ZMYM4: variants seen among roughly 807,000 people sequenced by gnomAD.
ZMYM4 encodes zinc finger MYM-type protein 4.
In ZMYM4, 31 loss-of-function variants were observed where a neutral mutation model predicts 183.2. That is an observed-to-expected ratio of 0.17 (90% confidence interval 0.13 to 0.23). The LOEUF is 0.23. ZMYM4 is among the 10% of genes least tolerant of loss of function. The pLI, the probability that ZMYM4 is intolerant of heterozygous loss-of-function variation, is 1.00. For missense variants in ZMYM4, 1,273 were observed against 1,840.3 expected, an observed-to-expected ratio of 0.69 and a Z score of 5.64; for synonymous variants, 592 against 631.2, an observed-to-expected ratio of 0.94 and a Z score of 0.93.
chr1:35,297,092 C>T (rs1641055095), intron 1 of ZMYM4, among the ~76,000 whole-genome samples: 3 of 151,962 alleles, frequency 2.0e-5, no homozygotes, highest in Non-Finnish European at 4.4e-5. Flanking sequence ...TCAGGTGATC[C>T]ACCTGCCCTG....
chr1:35,397,656 G>C, intron 20 of ZMYM4, 111 bp downstream of exon 20: 1 of 900,638 alleles, frequency 1.1e-6, no homozygotes, highest in Non-Finnish European at 1.5e-6. Context: ...TTTATTGTCT[G>C]TGAATACCAA....
intron 25 of ZMYM4, among the ~76,000 whole-genome samples, chr1:35,406,953 A>T (rs1350034056): frequency 1.3e-5 from 2 of 152,178 alleles, no homozygotes; most frequent in Admixed American, 1.3e-4. Flanking sequence ...TCTTAATATG[A>T]GAAATGAGGC....
At chr1:35,387,986 A>G (rs1255809105) in intron 13 of ZMYM4, among the ~76,000 whole-genome samples, 1 of 152,176 alleles carries the variant, frequency 6.6e-6, no homozygotes, top group Non-Finnish European at 1.5e-5. Flanking sequence ...AACAGCCATT[A>G]TATTTCTGAA....
chr1:35,412,112 C>T (rs1332104415), intron 26 of ZMYM4, among the ~76,000 whole-genome samples: 1 of 151,974 alleles, frequency 6.6e-6, no homozygotes, highest in Non-Finnish European at 1.5e-5. Context: ...ATCTCCTGAC[C>T]TTGTGATCCG....
intron 1 of ZMYM4, among the ~76,000 whole-genome samples, chr1:35,321,009 C>G (rs2148811110): frequency 6.6e-6 from 1 of 152,104 alleles, no homozygotes; most frequent in African/African-American, 2.4e-5. Context: ...ATAAAGCGCT[C>G]CTTTTTATTG....
intron 1 of ZMYM4, among the ~76,000 whole-genome samples, chr1:35,281,865 AT>A (rs1428681474): frequency 6.6e-6 from 1 of 152,152 alleles, no homozygotes; most frequent in Non-Finnish European, 1.5e-5. Context: ...TTCTGTGTCT[AT>A]GAAGTTGCCT....
chr1:35,280,169 TCCCTTCCC>T (rs1283543459), intron 1 of ZMYM4, among the ~76,000 whole-genome samples: 3 of 149,448 alleles, frequency 2.0e-5, no homozygotes, highest in South Asian at 2.2e-4. Flanking sequence ...CCTCCCTTCC[TCCCTTCCC>T]CCCTTCCCTT....
At chr1:35,282,134 C>T (rs1275451011) in intron 1 of ZMYM4, among the ~76,000 whole-genome samples, 2 of 152,154 alleles carry the variant, frequency 1.3e-5, no homozygotes, top group African/African-American at 4.8e-5. Flanking sequence ...TCCTTGCTTT[C>T]ACTTCCTTCT....
At chr1:35,317,249 A>G (rs1339963241) in intron 1 of ZMYM4, among the ~76,000 whole-genome samples, 5 of 152,158 alleles carry the variant, frequency 3.3e-5, no homozygotes, top group Non-Finnish European at 7.3e-5. Flanking sequence ...CTTGGCCAAC[A>G]TGGTGAAACC....
chr1:35,363,924 C>A (rs1644006183), intron 5 of ZMYM4, among the ~76,000 whole-genome samples: 1 of 152,276 alleles, frequency 6.6e-6, no homozygotes, highest in Non-Finnish European at 1.5e-5. Flanking sequence ...TCATCTCTTT[C>A]TTTTGTACTT....
Position 35,394,862 on chromosome 1 carries a change from C to T in ZMYM4, c.2911+1123C>T, listed in dbSNP as rs141083202. On this transcript the variant is annotated intron_variant, in intron 18 of 29. Transcript: ENST00000314607. ...ATTGCAGTGGCTCACACCTGTAATC[C>T]CAGCAGTTTGGGAGGCTGAGGCAGG... Among the ~76,000 whole-genome samples, 595 of 151,074 alleles carry T rather than the reference C, an allele frequency of 3.9e-3. 4 individuals are homozygous for T. Among genetic ancestry groups the T allele is most frequent in the African/African-American group, 0.014 (569 of 40,562 alleles).
chr1:35,408,196 A>T, intron 26 of ZMYM4, 37 bp downstream of exon 26: 1 of 1,611,582 alleles, frequency 6.2e-7, no homozygotes, highest in Non-Finnish European at 8.5e-7. Flanking sequence ...CAACCTAGCA[A>T]ATCCATTGAC....
chr1:35,307,403 C>T (rs1171021706), intron 1 of ZMYM4, among the ~76,000 whole-genome samples: 3 of 151,694 alleles, frequency 2.0e-5, no homozygotes, highest in Non-Finnish European at 4.4e-5. Flanking sequence ...CACATGGGTA[C>T]CCTTGGACAA....
intron 2 of ZMYM4, among the ~76,000 whole-genome samples, chr1:35,336,882 C>T (rs1026051096): frequency 2.2e-4 from 33 of 152,128 alleles, no homozygotes; most frequent in African/African-American, 7.2e-4. Context: ...GGGGCAGTTC[C>T]CCCCATGTTG....
intron 9 of ZMYM4, among the ~76,000 whole-genome samples, chr1:35,383,074 A>G (rs1425405962): frequency 6.6e-6 from 1 of 152,190 alleles, no homozygotes; most frequent in Non-Finnish European, 1.5e-5. Flanking sequence ...TGGATTATAT[A>G]TTTGTGAATT....
At chr1:35,311,639 A>G (rs1641806429) in intron 1 of ZMYM4, among the ~76,000 whole-genome samples, 1 of 151,996 alleles carries the variant, frequency 6.6e-6, no homozygotes, top group Non-Finnish European at 1.5e-5. Context: ...GATCTAGACA[A>G]TGAATTTGGA....
intron 2 of ZMYM4, among the ~76,000 whole-genome samples, chr1:35,355,667 T>G (rs1280327902): frequency 1.3e-5 from 2 of 152,198 alleles, no homozygotes; most frequent in South Asian, 2.1e-4. Flanking sequence ...ACATTTGATC[T>G]TTTATATTTT....
intron 2 of ZMYM4, among the ~76,000 whole-genome samples, chr1:35,345,508 G>A (rs1643359745): frequency 6.6e-6 from 1 of 151,498 alleles, no homozygotes; most frequent in Non-Finnish European, 1.5e-5. Context: ...GCTCTAGAGG[G>A]CAGTGGTGCG....
chr1:35,319,246 T>C (rs1642185638), intron 1 of ZMYM4, among the ~76,000 whole-genome samples: 1 of 152,234 alleles, frequency 6.6e-6, no homozygotes, highest in South Asian at 2.1e-4. Context: ...ATTTTAATTT[T>C]TCTCTTTGAT....
Sources: allele counts gnomAD v4.1 joint callset (sites outside exome capture counted in the v4.1 genomes callset), GRCh38; gene constraint gnomAD v4.1.1; transcripts MANE v1.5; gene names NCBI Gene and HGNC (gene_info 2026-07-23, HGNC 2026-07-21).